MLKL: variants seen among roughly 807,000 people sequenced by gnomAD.
MLKL encodes mixed lineage kinase domain-like protein.
In MLKL, 55 loss-of-function variants were observed where a neutral mutation model predicts 56.5. The ratio of observed to expected loss-of-function variants is 0.97; its 90% CI spans 0.78 to 1.22. The LOEUF (loss-of-function observed/expected upper bound fraction) is 1.22, where lower values mean the gene tolerates loss of function less well. MLKL is among the 50% of genes most tolerant of loss of function. The pLI, the probability that MLKL is intolerant of heterozygous loss-of-function variation, is 0.00. For synonymous variants in MLKL, 251 were observed against 208.3 expected (o/e 1.20, Z -1.76); for missense variants, 694 against 573.9 (o/e 1.21, Z -2.14).
Position 74,695,585 on chromosome 16 carries a change from A to C in MLKL, c.173T>G (p.Leu58Ter), listed in dbSNP as rs1960983874. Residue 58 changes from leucine (L) to a stop codon, truncating the protein, a stop_gained, in exon 2 of 11, where the codon TTA becomes TGA. Coordinates refer to ENST00000308807, the MANE Select transcript of MLKL (RefSeq NM_152649.4). LOFTEE classifies it high-confidence loss of function. ...CTTGAAGCGGTTCATGGCTGTGGTT[A>C]ACTTCTCAGAGGGCACGCTCCTCTT... ...QGKRSVPSEK[L>*]TTAMNRFKAA... 5 of 1,614,136 alleles carry C rather than the reference A, an allele frequency of 3.1e-6. No individual in the cohort carries two copies. The East Asian group carries it at 1.1e-4, about 36-fold the overall frequency.
chr16:74,689,153 T>A (rs1423813082), intron 4 of MLKL, among the ~76,000 whole-genome samples: 1 of 151,346 alleles, frequency 6.6e-6, no homozygotes, highest in Non-Finnish European at 1.5e-5. Flanking sequence ...CTTGCTCTGT[T>A]ACCCAGGCTG....
At chr16:74,692,279 C>T in intron 3 of MLKL, 63 bp downstream of exon 3, 2 of 1,430,366 alleles carry the variant, frequency 1.4e-6, no homozygotes, top group South Asian at 2.4e-5. Flanking sequence ...GGCTGGGGTC[C>T]CAGTAAACTG....
rs1960610458 is a variant in MLKL, at chr16:74,690,717, G to A, written c.722+560C>T. ...GGATTGCTGGAGCCCAGGAGGTTAAGGCTGCAATGAGCTATGATCTCACCA... is the reference window on the plus strand; with the variant it reads ...GGATTGCTGGAGCCCAGGAGGTTAAAGCTGCAATGAGCTATGATCTCACCA... On this transcript the variant is annotated intron_variant, in intron 4 of 10. Transcript: ENST00000308807. 8.5e-5 allele frequency among the ~76,000 whole-genome samples: 11 copies of A among 129,060 alleles called. No individual in the cohort carries two copies. In the South Asian group the frequency reaches 2.8e-3, roughly 33 times the overall value. The allele number at this position is 129,060 out of a possible 152,430, so 84.7% of individuals were successfully genotyped here. A position where few individuals can be genotyped will look rare whatever the true frequency, so the allele number is the denominator to read the frequency against.
At position 74,675,646 on chromosome 16, in the gene MLKL, A is replaced by G; in HGVS notation, c.1157T>C (p.Phe386Ser). ...YLSPQELEDV[F>S]YQYDVKSEIY... ...TTCAGACTTTACATCATATTGATAA[A>G]ATACATCTTCCAGTTCCTGAGGTGA... The change falls in exon 8 of 11, where the codon TTT becomes TCT. Residue 386 changes from phenylalanine to serine, a missense_variant. Physicochemically the swap from Phe to Ser is radical, Grantham distance 155. Coordinates refer to ENST00000308807, the MANE Select transcript of MLKL (RefSeq NM_152649.4). 1 of 1,613,992 alleles carries G rather than the reference A, an allele frequency of 6.2e-7. No homozygotes were observed. Among genetic ancestry groups the G allele is most frequent in the East Asian group, 2.2e-5 (1 of 44,880 alleles).
intron 4 of MLKL, among the ~76,000 whole-genome samples, chr16:74,686,105 G>A (rs183910721): frequency 9.5e-4 from 145 of 152,186 alleles, no homozygotes; most frequent in Admixed American, 1.7e-3. Flanking sequence ...AACTACAGGT[G>A]CGTGCCACCA....
intron 5 of MLKL, 119 bp from the exon 6 acceptor site, chr16:74,682,905 T>TC: frequency 8.3e-7 from 1 of 1,199,740 alleles, no homozygotes; most frequent in Non-Finnish European, 1.2e-6. Flanking sequence ...GTCCCATTTC[T>TC]CCCCCAATCC....
At chr16:74,684,933 C>T (rs185547301) in intron 5 of MLKL, among the ~76,000 whole-genome samples, 282 of 152,018 alleles carry the variant, frequency 1.9e-3, no homozygotes, top group Middle Eastern at 3.4e-3. Flanking sequence ...GGTGCACCCT[C>T]AGCTCACTGC....
rs759358906 is a variant in MLKL, at chr16:74,685,510, A to G, written c.796T>C (p.Phe266Leu). 10 of 1,614,046 alleles carry G rather than the reference A, an allele frequency of 6.2e-6. No homozygotes were observed. In the South Asian group the frequency reaches 8.8e-5, roughly 14 times the overall value. ...CCTGTTTCATCAATGCAAATCCCAA[A>G]TATACGCAGGATGTTGGGAGATTCG... is the stretch of plus-strand genomic sequence containing the variant. ...KFESPNILRI[F>L]GICIDETVTP... The change falls in exon 5 of 11, where the codon TTT becomes CTT. Residue 266 changes from phenylalanine (F) to leucine (L), a missense_variant. Physicochemically the swap from Phe to Leu is conservative, Grantham distance 22. Coordinates refer to ENST00000308807, the MANE Select transcript of MLKL (RefSeq NM_152649.4).
intron 10 of MLKL, among the ~76,000 whole-genome samples, chr16:74,674,602 C>A (rs1474845477): frequency 6.6e-6 from 1 of 151,944 alleles, no homozygotes; most frequent in African/African-American, 2.4e-5. Context: ...CAGGCATGTA[C>A]CACCATGGCT....
In MLKL at chr16:74,675,317, A is replaced by G. The variant is rs568224815; in HGVS notation, c.1240+38T>C. The G allele has an allele frequency of 1.8e-5, 29 of 1,613,978 alleles. No individual in the cohort carries two copies. The Admixed American group carries it at 2.0e-4, about 11-fold the overall frequency. On this transcript the variant is annotated intron_variant, in intron 9 of 10. Coordinates refer to ENST00000308807, the MANE Select transcript of MLKL (RefSeq NM_152649.4). ...TTCTGGTCTACTGGAAGGGGACCCA[A>G]CCTCACCACTGGCTGAGCCAGTCTT... is the stretch of plus-strand genomic sequence containing the variant.
intron 4 of MLKL, among the ~76,000 whole-genome samples, chr16:74,689,381 G>A (rs934290553): frequency 2.0e-5 from 3 of 152,094 alleles, no homozygotes; most frequent in African/African-American, 7.2e-5. Context: ...CTCCCAAAGT[G>A]CTGGGATTAC....
chr16:74,700,027 T>C (rs1244547342), intron 1 of MLKL, among the ~76,000 whole-genome samples: 1 of 151,886 alleles, frequency 6.6e-6, no homozygotes, highest in Non-Finnish European at 1.5e-5. Context: ...AAGTGAAAAA[T>C]CTTTAAATGG....
intron 6 of MLKL, 71 bp downstream of exon 6, chr16:74,682,580 C>A (rs1242155510): frequency 6.3e-7 from 1 of 1,577,054 alleles, no homozygotes; most frequent in Non-Finnish European, 8.6e-7. Context: ...GTTCTCTCAC[C>A]ATCTCTGGGA....
chr16:74,676,474 C>A (rs1167591434), intron 7 of MLKL: 1 of 985,172 alleles, frequency 1.0e-6, no homozygotes, highest in African/African-American at 1.7e-5. Flanking sequence ...GGCTCATCCC[C>A]CTTTCATTCA....
At chr16:74,680,992 G>C (rs761008757) in intron 6 of MLKL, among the ~76,000 whole-genome samples, 29 of 152,124 alleles carry the variant, frequency 1.9e-4, no homozygotes, top group African/African-American at 3.6e-4. Flanking sequence ...ATGGTAGTAA[G>C]AGAAAGTGTC....
Position 74,672,251 on chromosome 16 carries a change from T to G in MLKL, c.*253A>C. ...AGCTGCAAATTTCATTGCCAAGAGG[T>G]GTGGATACCCAGAAAGATACATTTG... On this transcript the variant is annotated 3_prime_UTR_variant, in exon 11 of 11. Coordinates refer to ENST00000308807, the MANE Select transcript of MLKL (RefSeq NM_152649.4). The G allele has an allele frequency of 2.5e-6, 1 of 397,428 alleles. No homozygotes were observed. Among genetic ancestry groups the G allele is most frequent in the Non-Finnish European group, 4.6e-6 (1 of 218,754 alleles). The allele number at this position is 397,428 out of a possible 1,614,324, so 24.6% of individuals were successfully genotyped here.
At chr16:74,676,568 G>A (rs1021242915) in intron 7 of MLKL, 4 of 666,184 alleles carry the variant, frequency 6.0e-6, no homozygotes, top group East Asian at 1.4e-4. Flanking sequence ...GGGATGAAAG[G>A]TGGAATAGCG....
chr16:74,675,633 A>G lies in MLKL; in HGVS notation c.1170T>C (p.Asp390=), dbSNP rs986640710. The change falls in exon 8 of 11, where the codon GAT becomes GAC. Residue 390 remains aspartate (D), a synonymous_variant. Transcript: ENST00000308807. ...QELEDVFYQY[D]VKSEIYSFGI... ...TGTACCTGTATATTTCAGACTTTAC[A>G]TCATATTGATAAAATACATCTTCCA... The G allele has an allele frequency of 6.2e-7, 1 of 1,613,802 alleles. No individual in the cohort carries two copies. Among genetic ancestry groups the G allele is most frequent in the Non-Finnish European group, 8.5e-7 (1 of 1,179,994 alleles).
rs768366316 is a variant in MLKL at position 74,682,791 on chromosome 16, T to G, written c.821-5A>C. Reference sequence around the variant, plus strand: ...TGGAGAATTGAGGCGGAGTCACTGGTGGAAAGGAGCCAGACACTATGAGGA... The same window carrying G: ...TGGAGAATTGAGGCGGAGTCACTGGGGGAAAGGAGCCAGACACTATGAGGA... On this transcript the variant is annotated splice_polypyrimidine_tract_variant and splice_region_variant and intron_variant, in intron 5 of 10. Coordinates refer to ENST00000308807, the MANE Select transcript of MLKL (RefSeq NM_152649.4). 6.2e-6 allele frequency: 10 copies of G among 1,613,720 alleles called. No homozygotes were observed. Among genetic ancestry groups the G allele is most frequent in the Admixed American group, 1.7e-5 (1 of 59,940 alleles).
Sources: allele counts gnomAD v4.1 joint callset (sites outside exome capture counted in the v4.1 genomes callset), GRCh38; gene constraint gnomAD v4.1.1; transcripts MANE v1.5; gene names NCBI Gene and HGNC (gene_info 2026-07-23, HGNC 2026-07-21).